Variants in ZNF248 observed in about 807,000 individuals in gnomAD.
ZNF248 encodes the protein KRAB protein domain.
In ZNF248, 20 loss-of-function variants were observed where a neutral mutation model predicts 44.3. The ratio of observed to expected loss-of-function variants is 0.45; its 90% CI spans 0.32 to 0.66. The LOEUF (loss-of-function observed/expected upper bound fraction) is 0.66, where lower values mean the gene tolerates loss of function less well. Ranked by LOEUF, ZNF248 falls within the 30% of genes least tolerant of loss-of-function variation. The pLI is 0.04. For synonymous variants in ZNF248, 224 were observed against 229.0 expected (o/e 0.98, Z 0.20); for missense variants, 654 against 677.0 (o/e 0.97, Z 0.38).
intron 5 of ZNF248, among the ~76,000 whole-genome samples, chr10:37,834,592 C>A (rs1482858977): frequency 6.6e-6 from 1 of 152,110 alleles, no homozygotes; most frequent in East Asian, 1.9e-4. Context: ...AATCTCAATG[C>A]AAAAAGAAAC....
In ZNF248 at chr10:37,832,401, A is replaced by C. The variant is rs2055992859; in HGVS notation, c.954T>G (p.Ala318=). 1 of 1,613,860 alleles carries C rather than the reference A, an allele frequency of 6.2e-7. No individual in the cohort carries two copies. The highest frequency in any genetic ancestry group is 8.5e-7 in the Non-Finnish European group (1 of 1,179,956). ...ATTCACGGAGAATCTTTCTTGTGTA[A>C]GCTCCCTGATGGATAATGAAAGCTG... ...DNSAFIIHQG[A]YTRKILREYK... is the part of the protein sequence containing the mutation. Residue 318 remains alanine (A), a synonymous_variant, in exon 6 of 6, where the codon GCT becomes GCG. Transcript: ENST00000395867.
intron 3 of ZNF248, among the ~76,000 whole-genome samples, chr10:37,852,225 TAAC>T (rs1253704690): frequency 6.7e-6 from 1 of 150,312 alleles, no homozygotes; most frequent in Non-Finnish European, 1.5e-5. Flanking sequence ...CCAGCCTGGG[TAAC>T]AAGAGTGAAA....
chr10:37,831,233 TAAG>T lies in ZNF248; in HGVS notation c.*379_*381del. Reference sequence around the variant, plus strand: ...AAATTTATATATTTGCATACTCACATAAGGTCTACAAACATCGGGGACTCTTCA... The same window carrying T: ...AAATTTATATATTTGCATACTCACATGTCTACAAACATCGGGGACTCTTCA... On this transcript the variant is annotated 3_prime_UTR_variant, in exon 6 of 6. Coordinates refer to ENST00000395867, the MANE Select transcript of ZNF248 (RefSeq NM_021045.3). 1 of 1,547,818 alleles carries T rather than the reference TAAG, an allele frequency of 6.5e-7. No homozygotes were observed. The highest frequency in any genetic ancestry group is 8.7e-7 in the Non-Finnish European group (1 of 1,145,646).
intron 6 of ZNF248, among the ~76,000 whole-genome samples, chr10:37,817,901 T>TTCTA (rs1221939007): frequency 6.6e-6 from 1 of 151,928 alleles, no homozygotes; most frequent in Non-Finnish European, 1.5e-5. Context: ...GTATTTTCTT[T>TTCTA]TTTATTTATT....
In ZNF248 at chr10:37,831,810, A is replaced by T; in HGVS notation, c.1545T>A (p.Thr515=). 1 of 1,611,952 alleles carries T rather than the reference A, an allele frequency of 6.2e-7. No homozygotes were observed. Among genetic ancestry groups the T allele is most frequent in the South Asian group, 1.1e-5 (1 of 90,984 alleles). The change falls in exon 6 of 6, where the codon ACT becomes ACA. Residue 515 remains threonine, a synonymous_variant. Transcript: ENST00000395867. Reference sequence around the variant, plus strand: ...CATTACACTTATATGGTTTCTCCCCAGTGTGAGTTCTTTGATGTACAATGA... The same window carrying T: ...CATTACACTTATATGGTTTCTCCCCTGTGTGAGTTCTTTGATGTACAATGA... ...SNLIVHQRTH[T]GEKPYKCNEC...
chr10:37,789,706 C>A (rs1352246754), intron 6 of ZNF248, among the ~76,000 whole-genome samples: 1 of 152,210 alleles, frequency 6.6e-6, no homozygotes, highest in Admixed American at 6.5e-5. Flanking sequence ...AATATGAACT[C>A]TATAACATCA....
At chr10:37,810,007 G>T (rs1489546082) in intron 6 of ZNF248, among the ~76,000 whole-genome samples, 1 of 152,196 alleles carries the variant, frequency 6.6e-6, no homozygotes, top group African/African-American at 2.4e-5. Flanking sequence ...TAGGTATTCT[G>T]TAGTAGTTGT....
At chr10:37,772,930 T>C (rs1443058351), downstream of ZNF248, among the ~76,000 whole-genome samples, 2 of 152,086 alleles carry the variant, frequency 1.3e-5, no homozygotes, top group Admixed American at 1.3e-4. Context: ...CACTACAAAT[T>C]TGAGAACCAG....
At chr10:37,762,007 A>G in the ZNF248 span, among the ~76,000 whole-genome samples, 1 of 152,206 alleles carries the variant, frequency 6.6e-6, no homozygotes, top group Admixed American at 6.5e-5. Flanking sequence ...CCAAAATCAA[A>G]GGGCTGTCTT....
chr10:37,832,477 T>TTTGTAAGAG lies in ZNF248; in HGVS notation c.869_877dup (p.Thr292_Lys293insThrLeuThr). ...TTCATTATATTCATAAGGATTGTCC[T>TTTGTAAGAG]TTGTAAGAGCTCTCTGATGTCCAAA... On this transcript the variant is annotated inframe_insertion, in exon 6 of 6. Transcript: ENST00000395867. The TTTGTAAGAG allele has an allele frequency of 6.2e-7, 1 of 1,613,990 alleles. No homozygotes were observed. Among genetic ancestry groups the TTTGTAAGAG allele is most frequent in the Non-Finnish European group, 8.5e-7 (1 of 1,179,936 alleles).
At chr10:37,827,963 T>C (rs531338724), downstream of ZNF248, among the ~76,000 whole-genome samples, 17 of 152,324 alleles carry the variant, frequency 1.1e-4, no homozygotes, top group African/African-American at 4.1e-4. Flanking sequence ...TTCCAGGGAC[T>C]GGGAGTGATT....
At chr10:37,761,277 T>C in the ZNF248 span, among the ~76,000 whole-genome samples, 1 of 152,156 alleles carries the variant, frequency 6.6e-6, no homozygotes, top group Non-Finnish European at 1.5e-5. Flanking sequence ...TGCCATCCCT[T>C]AGGTCATGAA....
At chr10:37,790,052 G>C (rs1443623250) in intron 6 of ZNF248, among the ~76,000 whole-genome samples, 1 of 150,860 alleles carries the variant, frequency 6.6e-6, no homozygotes, top group African/African-American at 2.4e-5. Context: ...ACAAGGTCAG[G>C]AGATCAAGAC....
At chr10:37,776,114 G>A (rs2046565500), downstream of ZNF248, among the ~76,000 whole-genome samples, 1 of 152,174 alleles carries the variant, frequency 6.6e-6, no homozygotes, top group Non-Finnish European at 1.5e-5. Flanking sequence ...TGGCGTGAGA[G>A]CAGCTCAGAA....
downstream of ZNF248, among the ~76,000 whole-genome samples, chr10:37,827,784 A>G (rs1589561354): frequency 6.6e-6 from 1 of 152,320 alleles, no homozygotes; most frequent in South Asian, 2.1e-4. Flanking sequence ...GAAGGCATCA[A>G]GGATACCCAA....
Position 37,831,852 on chromosome 10 carries a change from G to C in ZNF248, c.1503C>G (p.Phe501Leu). The change falls in exon 6 of 6, where the codon TTC (phenylalanine) becomes TTG (leucine). Residue 501 changes from phenylalanine (F) to leucine (L), a missense_variant. Coordinates refer to ENST00000395867, the MANE Select transcript of ZNF248 (RefSeq NM_021045.3). The stretch of plus-strand genomic sequence containing the variant: ...GTACAATGAGGTTTGACTTCACACA[G>C]AAGGATTTTCCACATTCATTACATA... ...PFICNECGKS[F>L]CVKSNLIVHQ... 1.2e-6 allele frequency: 2 copies of C among 1,613,990 alleles called. No homozygotes were observed. The highest frequency in any genetic ancestry group is 1.7e-6 in the Non-Finnish European group (2 of 1,179,924).
At chr10:37,820,988 G>C in intron 6 of ZNF248, 1 of 1,562,572 alleles carries the variant, frequency 6.4e-7, no homozygotes, top group East Asian at 2.3e-5. Flanking sequence ...ATCATTTCTG[G>C]CTGGCAGAGC....
At chr10:37,788,410 C>T (rs1353293248) in intron 6 of ZNF248, among the ~76,000 whole-genome samples, 2 of 152,118 alleles carry the variant, frequency 1.3e-5, no homozygotes, top group Admixed American at 1.3e-4. Flanking sequence ...CACCTGAGGT[C>T]AGGAGTTCAA....
intron 6 of ZNF248, among the ~76,000 whole-genome samples, chr10:37,810,930 T>C (rs1381091766): frequency 6.6e-6 from 1 of 152,238 alleles, no homozygotes; most frequent in Non-Finnish European, 1.5e-5. Flanking sequence ...TAAAATATCA[T>C]GTAAAGCTAA....
Sources: allele counts gnomAD v4.1 joint callset (sites outside exome capture counted in the v4.1 genomes callset), GRCh38; gene constraint gnomAD v4.1.1; transcripts MANE v1.5; gene names NCBI Gene and HGNC (gene_info 2026-07-23, HGNC 2026-07-21).